NEO1: variants seen among roughly 807,000 people sequenced by gnomAD.
NEO1 encodes neogenin.
A neutral mutation model predicts 159.7 loss-of-function variants in NEO1; 63 were observed. The observed-to-expected ratio is 0.39, with a 90% CI of 0.32 to 0.49. The LOEUF (loss-of-function observed/expected upper bound fraction) is 0.49. NEO1 is among the 20% of genes least tolerant of loss of function. The probability of loss-of-function intolerance (pLI) is 0.85; values close to 1 mark genes in which losing one functional copy is unlikely to be tolerated. For synonymous variants in NEO1, 633 were observed against 662.0 expected (o/e 0.96, Z 0.67); for missense variants, 1,615 against 1,831.0 (o/e 0.88, Z 2.15).
At chr15:73,128,234 G>A (rs1028553121) in intron 4 of NEO1, among the ~76,000 whole-genome samples, 9 of 147,500 alleles carry the variant, frequency 6.1e-5, no homozygotes, top group Admixed American at 6.0e-4. Flanking sequence ...GAATTTATAA[G>A]ACTTCATTTT....
chr15:73,282,855 A>G, intron 22 of NEO1, 109 bp from the exon 23 acceptor site: 2 of 1,297,236 alleles, frequency 1.5e-6, no homozygotes, highest in East Asian at 2.3e-5. Context: ...AGTCAGAGCA[A>G]TGAGTGTTAT....
At chr15:73,103,158 A>G (rs2070493095) in intron 1 of NEO1, among the ~76,000 whole-genome samples, 1 of 152,134 alleles carries the variant, frequency 6.6e-6, no homozygotes, top group African/African-American at 2.4e-5. Context: ...GTGGCTTCCC[A>G]ACTGGTTTCC....
Position 73,258,771 on chromosome 15 carries a change from G to A in NEO1, c.2098G>A (p.Asp700Asn), listed in dbSNP as rs183723482. 6.2e-6 allele frequency: 10 copies of A among 1,613,670 alleles called. No homozygotes were observed. In the East Asian group the frequency reaches 2.0e-4, roughly 32 times the overall value. ...TCTTTGTCATTTGGTCTCAGGTCTT[G>A]ATCGGGGGACTGAGTATAATTTCCG... ...TQLSQLIEGLDRGTEYNFRVA... is the reference protein window; with the variant it reads ...TQLSQLIEGLNRGTEYNFRVA... Residue 700 changes from aspartate (D) to asparagine (N), a missense_variant, in exon 14 of 29, where the codon GAT (aspartate) becomes AAT (asparagine). Asp to Asn is a conservative substitution (Grantham distance 23). Coordinates refer to ENST00000261908, the MANE Select transcript of NEO1 (RefSeq NM_002499.4).
intron 4 of NEO1, among the ~76,000 whole-genome samples, chr15:73,134,917 A>G (rs2031577729): frequency 6.6e-6 from 1 of 152,204 alleles, no homozygotes. Context: ...ATTTGGAAGA[A>G]AAGTCCAGCC....
chr15:73,220,756 G>A (rs969436948), intron 7 of NEO1, among the ~76,000 whole-genome samples: 15 of 151,978 alleles, frequency 9.9e-5, no homozygotes, highest in East Asian at 3.9e-4. Flanking sequence ...CGTAGTTCTC[G>A]AGCCTTGCTT....
At chr15:73,235,092 C>T (rs1018773029) in intron 7 of NEO1, among the ~76,000 whole-genome samples, 3 of 152,104 alleles carry the variant, frequency 2.0e-5, no homozygotes, top group Non-Finnish European at 1.5e-5. Flanking sequence ...TTAGGTTGGT[C>T]CTCCTTTGCC....
chr15:73,080,938 A>T (rs1411216685), intron 1 of NEO1, among the ~76,000 whole-genome samples: 1 of 152,232 alleles, frequency 6.6e-6, no homozygotes, highest in African/African-American at 2.4e-5. Context: ...CTGAAGAGTC[A>T]TTTCAAGATA....
chr15:73,226,685 TC>T (rs1370807104), intron 7 of NEO1, among the ~76,000 whole-genome samples: 1 of 152,220 alleles, frequency 6.6e-6, no homozygotes, highest in African/African-American at 2.4e-5. Flanking sequence ...ACCATGTAAA[TC>T]TGACTCCGTT....
intron 25 of NEO1, among the ~76,000 whole-genome samples, chr15:73,290,115 C>T (rs1385826910): frequency 1.3e-5 from 2 of 150,064 alleles, no homozygotes; most frequent in East Asian, 3.9e-4. Context: ...CCAGCTTGGG[C>T]AACAGAGCCA....
At chr15:73,202,081 A>C (rs2036932035) in intron 7 of NEO1, among the ~76,000 whole-genome samples, 1 of 148,848 alleles carries the variant, frequency 6.7e-6, no homozygotes, top group African/African-American at 2.5e-5. Flanking sequence ...CTCCTGCCTC[A>C]GCCTCCCGAG....
chr15:73,133,905 A>T (rs1160005990), intron 4 of NEO1, among the ~76,000 whole-genome samples: 1 of 152,190 alleles, frequency 6.6e-6, no homozygotes, highest in African/African-American at 2.4e-5. Context: ...CACATATGCC[A>T]AATATCAGGC....
intron 4 of NEO1, among the ~76,000 whole-genome samples, chr15:73,131,028 A>G (rs889114055): frequency 1.3e-5 from 2 of 151,650 alleles, no homozygotes; most frequent in African/African-American, 4.9e-5. Flanking sequence ...AACCTGAACT[A>G]CCCCCACCTG....
At chr15:73,190,722 G>A (rs1052502660) in intron 7 of NEO1, among the ~76,000 whole-genome samples, 21 of 151,906 alleles carry the variant, frequency 1.4e-4, no homozygotes, top group Non-Finnish European at 5.9e-5. Context: ...TTGCTTTTTT[G>A]TAACGGTAAT....
intron 8 of NEO1, among the ~76,000 whole-genome samples, chr15:73,244,025 C>T (rs2039622023): frequency 6.6e-6 from 1 of 152,116 alleles, no homozygotes; most frequent in African/African-American, 2.4e-5. Context: ...ATTTCTAAAG[C>T]CTAGAAAGTT....
chr15:73,260,292 C>T lies in NEO1; in HGVS notation c.2225C>T (p.Pro742Leu). The change falls in exon 15 of 29, where the codon CCT becomes CTT. Residue 742 changes from proline (P) to leucine (L), a missense_variant. Pro to Leu is a moderately conservative substitution (Grantham distance 98). Transcript: ENST00000261908. ...DLDETRVPEVPSSLHVRPLVT... is the reference protein window; with the variant it reads ...DLDETRVPEVLSSLHVRPLVT... Reference sequence around the variant, plus strand: ...CCAGAAACTCGTGTTCCTGAAGTGCCTAGCTCTCTTCACGTACGCCCGCTC... The same window carrying T: ...CCAGAAACTCGTGTTCCTGAAGTGCTTAGCTCTCTTCACGTACGCCCGCTC... 2 of 1,613,416 alleles carry T rather than the reference C, an allele frequency of 1.2e-6. No individual in the cohort carries two copies. Among genetic ancestry groups the T allele is most frequent in the Non-Finnish European group, 1.7e-6 (2 of 1,179,770 alleles).
At chr15:73,256,588 A>G (rs1045719285) in intron 13 of NEO1, among the ~76,000 whole-genome samples, 1 of 152,194 alleles carries the variant, frequency 6.6e-6, no homozygotes. Context: ...TGCTCTAGTA[A>G]TCAGCAAGCT....
Position 73,298,535 on chromosome 15 carries a change from C to T in NEO1, c.4089C>T (p.Ala1363=), listed in dbSNP as rs151042036. The T allele has an allele frequency of 4.2e-5, 68 of 1,614,056 alleles. No individual in the cohort carries two copies. Among genetic ancestry groups the T allele is most frequent in the African/African-American group, 3.3e-4 (25 of 74,922 alleles). ...VRPSHPLKSF[A]VPAIPPPGPP... The stretch of plus-strand genomic sequence containing the variant: ...CTTCCCACCCATTGAAGAGCTTCGC[C>T]GTGCCAGCAATCCCGCCTCCAGGAC... The change falls in exon 27 of 29, where the codon GCC becomes GCT. Residue 1363 remains alanine (A), a synonymous_variant. Coordinates refer to ENST00000261908, the MANE Select transcript of NEO1 (RefSeq NM_002499.4).
intron 21 of NEO1, among the ~76,000 whole-genome samples, chr15:73,277,407 A>G (rs2041469893): frequency 6.6e-6 from 1 of 152,298 alleles, no homozygotes; most frequent in South Asian, 2.1e-4. Context: ...TGATATTTGC[A>G]CTTTCTGAGG....
chr15:73,259,370 A>ATTTTTTTTTT (rs10623352), intron 14 of NEO1, among the ~76,000 whole-genome samples: 2 of 135,580 alleles, frequency 1.5e-5, no homozygotes. Flanking sequence ...CATTTTACTA[A>ATTTTTTTTTT]TTTTTTTTTT....
Sources: gnomAD v4.1 joint callset for allele counts (sites outside exome capture counted in the v4.1 genomes callset) on GRCh38, gnomAD v4.1.1 for gene constraint, MANE v1.5 for transcripts, NCBI Gene and HGNC (gene_info 2026-07-23, HGNC 2026-07-21) for gene names.